Variants in KHDRBS2 observed in about 807,000 individuals in gnomAD.
KHDRBS2 encodes the protein KH RNA binding domain containing, signal transduction associated 2.
KHDRBS2 carries 26 observed loss-of-function variants against 44.3 expected under a neutral mutation model. That is an observed-to-expected ratio of 0.59 (90% CI 0.43 to 0.81). The LOEUF (loss-of-function observed/expected upper bound fraction) is 0.81. Among genes scored for constraint, KHDRBS2 ranks in the 40% least tolerant of loss-of-function variants. The pLI is 0.00. For missense variants in KHDRBS2, 476 were observed against 433.1 expected, an observed-to-expected ratio of 1.10 and a Z score of -0.88; for synonymous variants, 194 against 151.1, an observed-to-expected ratio of 1.28 and a Z score of -2.08.
intron 2 of KHDRBS2, among the ~76,000 whole-genome samples, chr6:62,107,531 T>C (rs1234570339): frequency 2.0e-5 from 3 of 152,176 alleles, no homozygotes; most frequent in Non-Finnish European, 2.9e-5. Context: ...AAGAAATTTA[T>C]AGATTCAATG....
the KHDRBS2 span, among the ~76,000 whole-genome samples, chr6:61,612,233 A>T: frequency 2.4e-3 from 371 of 152,288 alleles, 2 homozygotes; most frequent in African/African-American, 8.6e-3. Flanking sequence ...TAATGAGGAC[A>T]CTTTTTCTAG....
chr6:61,801,039 G>A (rs1786175873), intron 6 of KHDRBS2, among the ~76,000 whole-genome samples: 1 of 152,122 alleles, frequency 6.6e-6, no homozygotes. Context: ...CCTGTCTAAG[G>A]ATGATAACAG....
chr6:62,219,703 C>T (rs1830563751), intron 1 of KHDRBS2, among the ~76,000 whole-genome samples: 3 of 150,344 alleles, frequency 2.0e-5, no homozygotes, highest in Admixed American at 1.3e-4. Context: ...AAGAGAATGT[C>T]CTTATTCTTA....
intron 6 of KHDRBS2, among the ~76,000 whole-genome samples, chr6:61,779,201 TA>T (rs1418685247): frequency 6.6e-6 from 1 of 152,186 alleles, no homozygotes; most frequent in Non-Finnish European, 1.5e-5. Flanking sequence ...AATTTTTTTT[TA>T]TTTTAATGTC....
At chr6:61,675,995 A>G (rs1765912350), downstream of KHDRBS2, among the ~76,000 whole-genome samples, 1 of 151,814 alleles carries the variant, frequency 6.6e-6, no homozygotes, top group Non-Finnish European at 1.5e-5. Flanking sequence ...TGGATGTCAG[A>G]CATGATGTTT....
intron 4 of KHDRBS2, among the ~76,000 whole-genome samples, chr6:61,940,367 G>A (rs1373650679): frequency 2.6e-5 from 4 of 152,088 alleles, no homozygotes; most frequent in African/African-American, 9.7e-5. Flanking sequence ...TCCCACCATG[G>A]ACTCCTGCAA....
At chr6:61,762,596 A>C (rs1425258549) in intron 6 of KHDRBS2, among the ~76,000 whole-genome samples, 1 of 152,000 alleles carries the variant, frequency 6.6e-6, no homozygotes, top group African/African-American at 2.4e-5. Context: ...CATGCTGGCT[A>C]CTCTACACCT....
chr6:61,960,088 T>C (rs1768305304), intron 4 of KHDRBS2, among the ~76,000 whole-genome samples: 1 of 35,242 alleles, frequency 2.8e-5, no homozygotes, highest in Admixed American at 2.7e-4. Flanking sequence ...CCCTGTACTT[T>C]TCAGGCCCTT....
chr6:62,247,080 A>G (rs1168515024), intron 1 of KHDRBS2, among the ~76,000 whole-genome samples: 1 of 152,018 alleles, frequency 6.6e-6, no homozygotes, highest in Non-Finnish European at 1.5e-5. Context: ...CTTAAAGTAT[A>G]GAGAAATAGT....
intron 1 of KHDRBS2, among the ~76,000 whole-genome samples, chr6:62,255,230 T>G (rs1837172386): frequency 6.6e-6 from 1 of 152,064 alleles, no homozygotes; most frequent in Non-Finnish European, 1.5e-5. Context: ...TGTAGCTACT[T>G]TTTTAGGGTA....
At chr6:61,585,743 T>C in the KHDRBS2 span, among the ~76,000 whole-genome samples, 1 of 152,118 alleles carries the variant, frequency 6.6e-6, no homozygotes, top group Non-Finnish European at 1.5e-5. Context: ...CTTAAATATT[T>C]CTTTGATAGT....
the KHDRBS2 span, among the ~76,000 whole-genome samples, chr6:61,597,736 A>ATG: frequency 2.6e-5 from 1 of 38,038 alleles, no homozygotes; most frequent in Non-Finnish European, 4.9e-5. Flanking sequence ...CACCTTTTAT[A>ATG]TATATATATA....
At chr6:61,741,800 G>A (rs1776175546) in intron 6 of KHDRBS2, among the ~76,000 whole-genome samples, 1 of 151,926 alleles carries the variant, frequency 6.6e-6, no homozygotes, top group Non-Finnish European at 1.5e-5. Context: ...GCTTCTAGAA[G>A]AAAATCATTT....
intron 3 of KHDRBS2, among the ~76,000 whole-genome samples, chr6:62,005,267 C>A (rs1779003364): frequency 6.6e-6 from 1 of 151,930 alleles, no homozygotes; most frequent in African/African-American, 2.4e-5. Flanking sequence ...AGATACATAA[C>A]TGATTTTATT....
chr6:61,852,811 G>A (rs566578445), intron 6 of KHDRBS2, among the ~76,000 whole-genome samples: 142 of 152,242 alleles, frequency 9.3e-4, no homozygotes, highest in Non-Finnish European at 1.6e-3. Context: ...AATTGAGTGT[G>A]TGTGTGTATA....
At chr6:62,231,469 C>G (rs1832889204) in intron 1 of KHDRBS2, among the ~76,000 whole-genome samples, 1 of 152,162 alleles carries the variant, frequency 6.6e-6, no homozygotes, top group South Asian at 2.1e-4. Flanking sequence ...ACCCAATCAT[C>G]TCCCTCCCTC....
chr6:62,006,401 G>T (rs1391451460), intron 3 of KHDRBS2, among the ~76,000 whole-genome samples: 1 of 151,906 alleles, frequency 6.6e-6, no homozygotes, highest in Non-Finnish European at 1.5e-5. Flanking sequence ...TTTCTCCAAA[G>T]AAATTGCTAA....
Position 62,177,282 on chromosome 6 carries a change from T to C in KHDRBS2, c.122A>G (p.Lys41Arg). Residue 41 changes from lysine (K) to arginine (R), a missense_variant, in exon 2 of 9, where the codon AAA becomes AGA. Transcript: ENST00000281156. ...EIEKFQGSDGKKEDEEKKYLD... is the reference protein window; with the variant it reads ...EIEKFQGSDGRKEDEEKKYLD... ...ATACTTCTTTTCTTCGTCTTCCTTT[T>C]TTCCATCAGAACCTTGAAACTTTTC... The C allele has an allele frequency of 6.2e-7, 1 of 1,600,920 alleles. No homozygotes were observed. Among genetic ancestry groups the C allele is most frequent in the South Asian group, 1.1e-5 (1 of 90,108 alleles).
At position 61,801,756 on chromosome 6, in the gene KHDRBS2, A is replaced by G. The variant is rs1464350011; in HGVS notation, c.811-68992T>C. ...ATGGTCTTTGTCCCATTTCATTCTC[A>G]TAATAGGGATAATATTAAGACAGCC... On this transcript the variant is annotated intron_variant, in intron 6 of 8. Transcript: ENST00000281156. Among the ~76,000 whole-genome samples the G allele has an allele frequency of 9.2e-5, 14 of 152,142 alleles. 1 individual carries two copies.
Sources: allele counts gnomAD v4.1 joint callset (sites outside exome capture counted in the v4.1 genomes callset), GRCh38; gene constraint gnomAD v4.1.1; transcripts MANE v1.5; gene names NCBI Gene and HGNC (gene_info 2026-07-23, HGNC 2026-07-21).